LCOR: variants seen among roughly 807,000 people sequenced by gnomAD.
LCOR encodes ligand-dependent corepressor.
Under a neutral mutation model 64.4 loss-of-function variants are expected in LCOR, and 14 were observed. That is an observed-to-expected ratio of 0.22 (90% CI 0.14 to 0.34). LCOR has a LOEUF of 0.34. Ranked by LOEUF, LCOR falls within the 10% of genes least tolerant of loss-of-function variation. The probability of loss-of-function intolerance (pLI) is 1.00; values close to 1 mark genes in which losing one functional copy is unlikely to be tolerated. For missense variants in LCOR, 1,686 were observed against 1,765.3 expected (o/e 0.96, Z 0.80); for synonymous variants, 643 against 642.5 (o/e 1.00, Z -0.01).
At position 96,983,606 on chromosome 10, in the gene LCOR, T is replaced by G. The variant is rs745973348; in HGVS notation, c.3146T>G (p.Leu1049Arg). 1 of 1,614,230 alleles carries G rather than the reference T, an allele frequency of 6.2e-7. No homozygotes were observed. The highest frequency in any genetic ancestry group is 1.1e-5 in the South Asian group (1 of 91,088). The change falls in exon 8 of 8, where the codon CTG becomes CGG. Residue 1049 changes from leucine (L) to arginine (R), a missense_variant. By Grantham distance (102) the Leu-to-Arg change is moderately radical. Around this residue, in one of 3 missense-constraint regions of LCOR, gnomAD observed 1,293 missense variants for 1,410.4 expected, o/e 0.92. Transcript: ENST00000421806. This position sits in a 1 kb window ranked among gnomAD's most constrained non-coding sequence, Gnocchi z 4.5. ...TACAACCTAAGACACGCTCATTCTC[T>G]GGGCTCCTTGGATGCTTCAAAAGTG... ...STYNLRHAHS[L>R]GSLDASKVTS...
intron 4 of LCOR, among the ~76,000 whole-genome samples, chr10:96,913,071 T>C (rs970771008): frequency 6.6e-6 from 1 of 152,128 alleles, no homozygotes; most frequent in Admixed American, 6.5e-5. Context: ...TTTTTTTTTT[T>C]CACTTTTTGG....
At chr10:96,839,505 C>G (rs548274966) in intron 2 of LCOR, among the ~76,000 whole-genome samples, 1 of 152,242 alleles carries the variant, frequency 6.6e-6, no homozygotes, top group Admixed American at 6.5e-5. Flanking sequence ...GAGAAGGACA[C>G]CTTTGCTCTA....
At position 96,988,583 on chromosome 10, in the gene LCOR, GT is replaced by G. The variant is rs1848168497; in HGVS notation, c.*3452del. The G allele has an allele frequency of 6.6e-6, 1 of 152,204 alleles. No individual in the cohort carries two copies. Among genetic ancestry groups the G allele is most frequent in the African/African-American group, 2.4e-5 (1 of 41,450 alleles). The allele number at this position is 152,204 out of a possible 1,614,324, so 9.4% of individuals were successfully genotyped here. On this transcript the variant is annotated 3_prime_UTR_variant, in exon 8 of 8. Coordinates refer to ENST00000421806, the MANE Select transcript of LCOR (RefSeq NM_001346516.2). ...TTCAAGATAATTACTTTGAATTGAG[GT>G]TTGGCCTCTTTTCCTGCTTTGTAAT...
At position 96,908,264 on chromosome 10, in the gene LCOR, TAC is replaced by T. The variant is rs1205811542; in HGVS notation, c.-184+519_-184+520del. 1.7e-4 allele frequency among the ~76,000 whole-genome samples: 26 copies of T among 152,324 alleles called. 1 individual carries two copies. The highest frequency in any genetic ancestry group is 5.5e-4 in the African/African-American group (23 of 41,576). On this transcript the variant is annotated intron_variant, in intron 4 of 7. Coordinates refer to ENST00000421806, the MANE Select transcript of LCOR (RefSeq NM_001346516.2). The stretch of plus-strand genomic sequence containing the variant: ...CCTCAGCCTCCCAAAGAGCTGGAAT[TAC>T]AGGCATGAGCCACCGCGCCCAGCCC...
intron 4 of LCOR, among the ~76,000 whole-genome samples, chr10:96,937,598 C>T (rs1013114298): frequency 3.3e-5 from 5 of 152,088 alleles, no homozygotes; most frequent in East Asian, 3.9e-4. Flanking sequence ...GCAATCTGCC[C>T]GCCTCGGCCT....
At chr10:96,932,774 G>A (rs1847284540) in intron 4 of LCOR, among the ~76,000 whole-genome samples, 1 of 152,092 alleles carries the variant, frequency 6.6e-6, no homozygotes. Context: ...AAGAATCATT[G>A]TATACCAATG....
At position 96,915,597 on chromosome 10, in the gene LCOR, C is replaced by T. The variant is rs1846926935; in HGVS notation, c.-184+7850C>T. On this transcript the variant is annotated intron_variant, in intron 4 of 7. Transcript: ENST00000421806. ...ATAGAATTTCAAACTATACAGTCAC[C>T]AGAAGTACACAGTTATCAAAAATGC... The T allele has an allele frequency of 3.8e-6, 3 of 794,780 alleles. No homozygotes were observed. The South Asian group carries it at 4.0e-5, about 11-fold the overall frequency. The allele number at this position is 794,780 out of a possible 1,614,324, so 49.2% of individuals were successfully genotyped here.
chr10:96,971,907 C>T (rs1848002568), intron 7 of LCOR, among the ~76,000 whole-genome samples: 1 of 152,106 alleles, frequency 6.6e-6, no homozygotes, highest in Non-Finnish European at 1.5e-5. Context: ...TGTGTGCCTA[C>T]ACATTCAGTT....
intron 5 of LCOR, among the ~76,000 whole-genome samples, 192 bp from the exon 6 acceptor site, chr10:96,948,816 A>G (rs1847628934): frequency 6.6e-6 from 1 of 152,118 alleles, no homozygotes; most frequent in Non-Finnish European, 1.5e-5. Context: ...AGATGTTTAG[A>G]ATTATTTTAA....
At chr10:96,925,088 TA>T (rs1157331087) in intron 4 of LCOR, among the ~76,000 whole-genome samples, 1 of 151,986 alleles carries the variant, frequency 6.6e-6, no homozygotes, top group Non-Finnish European at 1.5e-5. Flanking sequence ...TTTATTTATT[TA>T]TTTTTTGAGA....
At chr10:96,833,538 T>C in intron 2 of LCOR, 59 bp downstream of exon 2, 1 of 733,382 alleles carries the variant, frequency 1.4e-6, no homozygotes, top group Non-Finnish European at 1.7e-6. Flanking sequence ...CAGTCCATCC[T>C]TGTGTCTGAC....
intron 6 of LCOR, among the ~76,000 whole-genome samples, chr10:96,951,060 C>T (rs954402867): frequency 2.0e-5 from 3 of 151,976 alleles, no homozygotes; most frequent in African/African-American, 7.2e-5. Context: ...TCCTCAGATA[C>T]AAGTTGTAAG....
intron 4 of LCOR, among the ~76,000 whole-genome samples, chr10:96,934,648 C>T (rs1193172791): frequency 6.6e-6 from 1 of 152,160 alleles, no homozygotes; most frequent in East Asian, 1.9e-4. Flanking sequence ...GTCACCCAGG[C>T]TAGAATGCAG....
chr10:96,867,129 G>A (rs1460606965), intron 2 of LCOR, among the ~76,000 whole-genome samples: 1 of 152,062 alleles, frequency 6.6e-6, no homozygotes, highest in African/African-American at 2.4e-5. Flanking sequence ...TGGGATTACA[G>A]GCATGCTCCC....
chr10:96,957,433 T>C, intron 7 of LCOR: 2 of 985,268 alleles, frequency 2.0e-6, no homozygotes, highest in Non-Finnish European at 2.4e-6. Flanking sequence ...CCCATGGAAT[T>C]TAATTTTTCA....
chr10:96,850,472 T>C (rs1271917796), intron 2 of LCOR, among the ~76,000 whole-genome samples: 3 of 152,176 alleles, frequency 2.0e-5, no homozygotes, highest in East Asian at 3.8e-4. Flanking sequence ...AGAAGAGATA[T>C]GGCATTAAAT....
At chr10:96,880,480 C>T (rs1846244656) in intron 2 of LCOR, among the ~76,000 whole-genome samples, 1 of 152,204 alleles carries the variant, frequency 6.6e-6, no homozygotes, top group African/African-American at 2.4e-5. Flanking sequence ...TCACTGCAAC[C>T]TCCACCTTCC....
At chr10:96,837,838 G>A (rs1845473487) in intron 2 of LCOR, among the ~76,000 whole-genome samples, 1 of 152,216 alleles carries the variant, frequency 6.6e-6, no homozygotes, top group Admixed American at 6.5e-5. Flanking sequence ...GCTCAGTAGA[G>A]GGGCTTGATT....
At chr10:96,843,606 A>C (rs1480343032) in intron 2 of LCOR, among the ~76,000 whole-genome samples, 3 of 152,210 alleles carry the variant, frequency 2.0e-5, no homozygotes, top group African/African-American at 7.2e-5. Flanking sequence ...ATTTAAAATA[A>C]ATCTTTTAGT....
Sources: allele counts gnomAD v4.1 joint callset (sites outside exome capture counted in the v4.1 genomes callset), GRCh38; gene constraint gnomAD v4.1.1; regional missense constraint gnomAD v4.1.1; non-coding constraint Gnocchi (gnomAD v3.1); transcripts MANE v1.5; gene names NCBI Gene and HGNC (gene_info 2026-07-23, HGNC 2026-07-21).